The following CERKL variants were observed in gnomAD, a reference collection of about 807,000 sequenced individuals.
CERKL encodes the protein CERK like autophagy regulator.
In CERKL, 61 loss-of-function variants were observed where a neutral mutation model predicts 63.4. The observed-to-expected ratio is 0.96, with a 90% CI of 0.78 to 1.19. The LOEUF (loss-of-function observed/expected upper bound fraction) is 1.19. Ranked by LOEUF, CERKL falls within the 50% of genes most tolerant of loss-of-function variation. CERKL has a pLI of 0.00. For synonymous variants in CERKL, 250 were observed against 230.5 expected, an observed-to-expected ratio of 1.08 and a Z score of -0.77; for missense variants, 675 against 655.5, an observed-to-expected ratio of 1.03 and a Z score of -0.33.
chr2:181,562,990 A>T (rs866590140), intron 4 of CERKL, among the ~76,000 whole-genome samples: 26 of 152,280 alleles, frequency 1.7e-4, no homozygotes, highest in South Asian at 8.3e-4. Flanking sequence ...CAATTTTTTT[A>T]AAAATTCTGA....
At chr2:181,546,531 G>A (rs1687732345) in intron 10 of CERKL, among the ~76,000 whole-genome samples, 1 of 152,214 alleles carries the variant, frequency 6.6e-6, no homozygotes, top group Middle Eastern at 3.4e-3. Context: ...TAATTAATGA[G>A]GACCTTGCCA....
At chr2:181,576,549 C>T (rs557001239) in intron 2 of CERKL, among the ~76,000 whole-genome samples, 65 of 152,344 alleles carry the variant, frequency 4.3e-4, no homozygotes, top group African/African-American at 1.5e-3. Context: ...CAGGCATTTA[C>T]AAGGACTTTG....
At position 181,538,048 on chromosome 2, in the gene CERKL, C is replaced by T. The variant is rs772362543; in HGVS notation, c.*136G>A. On this transcript the variant is annotated 3_prime_UTR_variant, in exon 13 of 13. Transcript: ENST00000410087. ...GAGGTGGAACAGTTCATCCTGAAAC[C>T]ATTCCCCCATCCACGGAAAAATTGT... is the stretch of plus-strand genomic sequence containing the variant. The T allele has an allele frequency of 1.6e-5, 11 of 703,496 alleles. No homozygotes were observed. The highest frequency in any genetic ancestry group is 2.9e-5 in the Non-Finnish European group (11 of 377,240). 43.6% of individuals were successfully genotyped at this position (703,496 alleles called of 1,614,324 possible).
chr2:181,603,934 CT>C lies in CERKL; in HGVS notation c.383del (p.Lys128ArgfsTer6). 1 of 1,612,826 alleles carries C rather than the reference CT, an allele frequency of 6.2e-7. No homozygotes were observed. The highest frequency in any genetic ancestry group is 8.5e-7 in the Non-Finnish European group (1 of 1,179,486). On this transcript the variant is annotated frameshift_variant, in exon 2 of 13. Transcript: ENST00000410087. LOFTEE classifies it high-confidence loss of function. The part of the protein sequence containing the change: ...LGITLFICLK[K>X]EQNKLKNSTL... The stretch of plus-strand genomic sequence containing the variant: ...TAGAATTCTTTAGTTTATTTTGTTC[CT>C]TTTTCAAGCAGATGAAGAGTGTGAT...
chr2:181,589,836 GTATT>G (rs1684916244), intron 2 of CERKL, among the ~76,000 whole-genome samples: 1 of 152,104 alleles, frequency 6.6e-6, no homozygotes, highest in Admixed American at 6.5e-5. Flanking sequence ...ATGTATGTAT[GTATT>G]TAGAGAAATG....
At chr2:181,651,750 T>C (rs1037567460) in intron 1 of CERKL, among the ~76,000 whole-genome samples, 1 of 150,146 alleles carries the variant, frequency 6.7e-6, no homozygotes, top group South Asian at 2.1e-4. Context: ...GCAGAAGATA[T>C]GATCTTATAG....
intron 4 of CERKL, among the ~76,000 whole-genome samples, chr2:181,559,471 G>A (rs1688345776): frequency 6.6e-6 from 1 of 152,106 alleles, no homozygotes. Context: ...TTTTGCCTCA[G>A]TGAAAGCAGG....
At chr2:181,548,945 TAGG>T (rs1687861319) in intron 6 of CERKL, 88 bp from the exon 7 acceptor site, 9 of 1,186,134 alleles carry the variant, frequency 7.6e-6, no homozygotes, top group East Asian at 2.4e-5. Flanking sequence ...TATTGGCTTA[TAGG>T]AGAATATCTA....
chr2:181,536,996 G>A lies in CERKL; in HGVS notation c.*1188C>T, dbSNP rs1330419089. 3 of 450,308 alleles carry A rather than the reference G, an allele frequency of 6.7e-6. No individual in the cohort carries two copies. Among genetic ancestry groups the A allele is most frequent in the Admixed American group, 4.7e-5 (2 of 42,106 alleles). The allele number at this position is 450,308 out of a possible 1,614,324, so 27.9% of individuals were successfully genotyped here. On this transcript the variant is annotated 3_prime_UTR_variant, in exon 13 of 13. Coordinates refer to ENST00000410087, the MANE Select transcript of CERKL (RefSeq NM_201548.5). ...ATTGATGAAAGTTATCTGTTCACAG[G>A]CCTGCAGTGATGGTGAGGAATGTTC...
chr2:181,626,292 G>A (rs1686700471), intron 1 of CERKL, among the ~76,000 whole-genome samples: 1 of 151,686 alleles, frequency 6.6e-6, no homozygotes, highest in Admixed American at 6.6e-5. Context: ...AACAACAGAG[G>A]AACTGCAGTA....
intron 1 of CERKL, among the ~76,000 whole-genome samples, chr2:181,653,461 A>G (rs1341733367): frequency 1.3e-5 from 2 of 152,210 alleles, no homozygotes; most frequent in African/African-American, 4.8e-5. Context: ...GCAATCCCAT[A>G]TTTACTGCAG....
chr2:181,650,282 A>C (rs1249587103), intron 1 of CERKL, among the ~76,000 whole-genome samples: 1 of 152,242 alleles, frequency 6.6e-6, no homozygotes, highest in African/African-American at 2.4e-5. Flanking sequence ...GAAGAAATTA[A>C]AAAGGAAATT....
intron 1 of CERKL, among the ~76,000 whole-genome samples, chr2:181,608,837 T>C (rs1685833358): frequency 6.6e-6 from 1 of 152,120 alleles, no homozygotes; most frequent in African/African-American, 2.4e-5. Context: ...AAATCCAAAA[T>C]AATAAACTTA....
intron 2 of CERKL, among the ~76,000 whole-genome samples, chr2:181,596,512 A>C (rs190121658): frequency 2.6e-5 from 4 of 152,336 alleles, no homozygotes; most frequent in Admixed American, 1.3e-4. Flanking sequence ...ACACTGCAGG[A>C]ACCTTTGCCA....
At chr2:181,617,645 A>G (rs1686255981) in intron 1 of CERKL, among the ~76,000 whole-genome samples, 1 of 152,202 alleles carries the variant, frequency 6.6e-6, no homozygotes, top group African/African-American at 2.4e-5. Context: ...TAGAAACTGT[A>G]TAATAGTAAA....
At chr2:181,615,500 A>C (rs1268876942) in intron 1 of CERKL, among the ~76,000 whole-genome samples, 1 of 152,236 alleles carries the variant, frequency 6.6e-6, no homozygotes, top group Non-Finnish European at 1.5e-5. Flanking sequence ...CAGTTTCTGC[A>C]CATGTCCACT....
At chr2:181,543,850 G>T (rs1687611128) in intron 11 of CERKL, among the ~76,000 whole-genome samples, 1 of 152,022 alleles carries the variant, frequency 6.6e-6, no homozygotes, top group South Asian at 2.1e-4. Flanking sequence ...TGGGCATGGA[G>T]GTGTGAGCCT....
intron 1 of CERKL, among the ~76,000 whole-genome samples, chr2:181,629,633 CAA>C (rs11290035): frequency 5.3e-4 from 76 of 142,148 alleles, no homozygotes; most frequent in African/African-American, 1.1e-3. Context: ...TAGTCATAGG[CAA>C]AAAAAAAAAA....
chr2:181,573,959 C>A, intron 2 of CERKL, 75 bp from the exon 3 acceptor site: 5 of 1,394,958 alleles, frequency 3.6e-6, no homozygotes, highest in Middle Eastern at 1.8e-4. Flanking sequence ...AAATGACACA[C>A]AAGTCTGTTA....
Sources: allele counts gnomAD v4.1 joint callset (sites outside exome capture counted in the v4.1 genomes callset), GRCh38; gene constraint gnomAD v4.1.1; transcripts MANE v1.5; gene names NCBI Gene and HGNC (gene_info 2026-07-23, HGNC 2026-07-21).